PDE10A: variants seen among roughly 807,000 people sequenced by gnomAD.
PDE10A encodes cAMP and cAMP-inhibited cGMP 3',5'-cyclic phosphodiesterase 10A.
A neutral mutation model predicts 97.7 loss-of-function variants in PDE10A; 39 were observed. That is an observed-to-expected ratio of 0.40 (90% CI 0.31 to 0.52). The LOEUF (loss-of-function observed/expected upper bound fraction) is 0.52. PDE10A is among the 20% of genes least tolerant of loss of function. The probability of loss-of-function intolerance (pLI) is 0.56; values close to 1 mark genes in which losing one functional copy is unlikely to be tolerated. For synonymous variants in PDE10A, 371 were observed against 376.8 expected, an observed-to-expected ratio of 0.98 and a Z score of 0.18; for missense variants, 731 against 1,047.8, an observed-to-expected ratio of 0.70 and a Z score of 4.17.
intron 1 of PDE10A, among the ~76,000 whole-genome samples, chr6:165,743,868 C>T (rs1373628456): frequency 2.0e-5 from 3 of 152,214 alleles, no homozygotes; most frequent in Admixed American, 6.5e-5. Flanking sequence ...TGTGATCACA[C>T]CACCTTTATT....
At chr6:165,509,565 T>A (rs1191469510) in intron 2 of PDE10A, among the ~76,000 whole-genome samples, 1 of 151,434 alleles carries the variant, frequency 6.6e-6, no homozygotes. Context: ...GGCTATTTTT[T>A]GGTTCCATAC....
chr6:165,894,728 C>T, intron 1 of PDE10A: 1 of 338,540 alleles, frequency 3.0e-6, no homozygotes, highest in Non-Finnish European at 5.9e-6. Flanking sequence ...TTAGAAAATG[C>T]ATATAAATAT....
intron 1 of PDE10A, among the ~76,000 whole-genome samples, chr6:165,945,007 T>G (rs750866380): frequency 5.3e-5 from 8 of 152,202 alleles, no homozygotes; most frequent in Non-Finnish European, 1.0e-4. Flanking sequence ...GTGGCCCCTG[T>G]GACCCCCATC....
chr6:165,788,789 T>C (rs948516334), intron 1 of PDE10A, among the ~76,000 whole-genome samples: 1 of 152,162 alleles, frequency 6.6e-6, no homozygotes, highest in Non-Finnish European at 1.5e-5. Context: ...AATCTATCAT[T>C]TAGACTGTTA....
intron 1 of PDE10A, among the ~76,000 whole-genome samples, chr6:165,966,408 C>T (rs697471): frequency 0.54 from 81,999 of 152,088 alleles, 22,833 homozygotes; most frequent in East Asian, 0.83. Context: ...CCATGTGTCT[C>T]GCTGTAGCCT....
chr6:165,709,610 CTCCACTCTACACCCCCA>C, intron 1 of PDE10A, among the ~76,000 whole-genome samples: 1 of 34,332 alleles, frequency 2.9e-5, no homozygotes. Context: ...GCTGTGCTCC[CTCCACTCTACACCCCCA>C]TGCTGCCTCT....
chr6:165,650,804 C>A (rs927668208), intron 1 of PDE10A, among the ~76,000 whole-genome samples: 1 of 150,864 alleles, frequency 6.6e-6, no homozygotes. Flanking sequence ...GTGGTGTGAT[C>A]TCAGCTCACT....
intron 1 of PDE10A, among the ~76,000 whole-genome samples, chr6:165,834,718 G>T (rs1333248955): frequency 1.4e-5 from 2 of 141,430 alleles, no homozygotes; most frequent in African/African-American, 2.6e-5. Context: ...GCGACTCCAG[G>T]TGAACAAGAG....
chr6:165,932,038 C>T (rs909869956), intron 1 of PDE10A, among the ~76,000 whole-genome samples: 3 of 152,216 alleles, frequency 2.0e-5, no homozygotes, highest in East Asian at 1.9e-4. Context: ...TGCGGGTGAA[C>T]GGTCACAAAA....
chr6:165,646,082 T>C (rs1224512463), intron 1 of PDE10A, among the ~76,000 whole-genome samples: 1 of 152,174 alleles, frequency 6.6e-6, no homozygotes, highest in Non-Finnish European at 1.5e-5. Flanking sequence ...TGGGCCAGCC[T>C]GGCACAGACC....
At chr6:165,606,850 T>C (rs1262785662) in intron 1 of PDE10A, among the ~76,000 whole-genome samples, 2 of 151,982 alleles carry the variant, frequency 1.3e-5, no homozygotes, top group African/African-American at 2.4e-5. Context: ...ACAGGCTGAG[T>C]CAGGTTGTTG....
intron 1 of PDE10A, among the ~76,000 whole-genome samples, chr6:165,814,284 C>T (rs980230932): frequency 3.3e-5 from 5 of 152,198 alleles, no homozygotes; most frequent in African/African-American, 1.2e-4. Context: ...CCTTAGCACC[C>T]GGCTGCTCAT....
chr6:165,895,986 G>A (rs1313136222), intron 1 of PDE10A, among the ~76,000 whole-genome samples: 1 of 152,174 alleles, frequency 6.6e-6, no homozygotes, highest in Non-Finnish European at 1.5e-5. Flanking sequence ...CCAGGCCTCT[G>A]CACCCACTGG....
At chr6:165,761,219 T>C (rs1329026258) in intron 1 of PDE10A, among the ~76,000 whole-genome samples, 2 of 152,246 alleles carry the variant, frequency 1.3e-5, no homozygotes, top group Non-Finnish European at 2.9e-5. Context: ...TCTGTGAGCC[T>C]AATCTTTCCT....
At chr6:165,581,148 T>C (rs16898016) in intron 1 of PDE10A, among the ~76,000 whole-genome samples, 10,099 of 152,298 alleles carry the variant, frequency 0.066, 384 homozygotes, top group Non-Finnish European at 0.077. Flanking sequence ...TTACCACTCA[T>C]AAAAATATTC....
intron 1 of PDE10A, among the ~76,000 whole-genome samples, chr6:165,838,242 T>C (rs1019969825): frequency 2.0e-5 from 3 of 152,224 alleles, no homozygotes; most frequent in Admixed American, 1.3e-4. Flanking sequence ...CTGTAGTTAC[T>C]GAAAAGCCCA....
At chr6:165,691,587 G>GTGCA (rs1243562054) in intron 1 of PDE10A, among the ~76,000 whole-genome samples, 11 of 46,592 alleles carry the variant, frequency 2.4e-4, no homozygotes, top group African/African-American at 4.3e-4. Flanking sequence ...GCATGCACGC[G>GTGCA]CGCGCACACA....
At chr6:165,501,104 G>A (rs568928788) in intron 2 of PDE10A, among the ~76,000 whole-genome samples, 2 of 151,972 alleles carry the variant, frequency 1.3e-5, no homozygotes, top group South Asian at 2.1e-4. Context: ...TTGCCGGCTC[G>A]GGTCCTCCAC....
At chr6:165,748,323 C>T (rs542015084) in intron 1 of PDE10A, among the ~76,000 whole-genome samples, 2 of 152,120 alleles carry the variant, frequency 1.3e-5, no homozygotes, top group Non-Finnish European at 2.9e-5. Flanking sequence ...TACAAACAAC[C>T]TGTAGAAAGT....
Sources: gnomAD v4.1 joint callset for allele counts (sites outside exome capture counted in the v4.1 genomes callset) on GRCh38, gnomAD v4.1.1 for gene constraint, MANE v1.5 for transcripts, NCBI Gene and HGNC (gene_info 2026-07-23, HGNC 2026-07-21) for gene names.